IL5RA: variants seen among roughly 807,000 people sequenced by gnomAD.
IL5RA encodes interleukin-5 receptor subunit alpha.
A neutral mutation model predicts 50.0 loss-of-function variants in IL5RA; 49 were observed. The observed-to-expected ratio is 0.98, with a 90% confidence interval of 0.78 to 1.24. The LOEUF (loss-of-function observed/expected upper bound fraction) is 1.24, where lower values mean the gene tolerates loss of function less well. IL5RA is among the 50% of genes most tolerant of loss of function. The pLI is 0.00. For missense variants in IL5RA, 600 were observed against 500.4 expected (o/e 1.20, Z -1.90); for synonymous variants, 202 against 174.0 (o/e 1.16, Z -1.26).
At chr3:3,078,858 T>G (rs4324460) in intron 9 of IL5RA, among the ~76,000 whole-genome samples, 42,347 of 151,246 alleles carry the variant, frequency 0.28, 7,303 homozygotes, top group African/African-American at 0.49. Context: ...AAAAAATTAT[T>G]TAAGGGATTC....
intron 5 of IL5RA, among the ~76,000 whole-genome samples, chr3:3,101,235 G>A (rs6768419): frequency 6.6e-6 from 1 of 151,480 alleles, no homozygotes; most frequent in Non-Finnish European, 1.5e-5. Flanking sequence ...TTAAGTCACT[G>A]ACACAATTCA....
At chr3:3,084,553 G>A (rs1442589535) in intron 9 of IL5RA, among the ~76,000 whole-genome samples, 4 of 152,224 alleles carry the variant, frequency 2.6e-5, no homozygotes, top group African/African-American at 9.6e-5. Context: ...GGCTTGTCTG[G>A]ATGGAGGCTG....
In IL5RA at chr3:3,097,881, AG is replaced by A; in HGVS notation, c.697del (p.Leu233PhefsTer7). ...AIRPFDQLFA[L>X]HAIDQINPPL... is the part of the protein sequence containing the mutation. Reference sequence around the variant, plus strand: ...TAAGTCGGTCTTACCAATGGCGTGAAGGGCAAACAGCTGATCAAAGGGCCTG... The same window carrying A: ...TAAGTCGGTCTTACCAATGGCGTGAAGGCAAACAGCTGATCAAAGGGCCTG... On this transcript the variant is annotated frameshift_variant, in exon 7 of 12. Transcript: ENST00000446632. LOFTEE classifies it high-confidence loss of function. The A allele has an allele frequency of 6.2e-7, 1 of 1,613,180 alleles. No individual in the cohort carries two copies. Among genetic ancestry groups the A allele is most frequent in the Non-Finnish European group, 8.5e-7 (1 of 1,179,378 alleles).
intron 7 of IL5RA, among the ~76,000 whole-genome samples, chr3:3,096,816 A>T (rs529222995): frequency 1.3e-5 from 2 of 152,358 alleles, no homozygotes; most frequent in East Asian, 3.9e-4. Flanking sequence ...TAGATATGTC[A>T]CAGCCAAATC....
chr3:3,070,180 G>C lies in IL5RA; in HGVS notation c.*45C>G. The C allele has an allele frequency of 8.2e-7, 1 of 1,218,674 alleles. No homozygotes were observed. The highest frequency in any genetic ancestry group is 1.2e-6 in the Non-Finnish European group (1 of 827,974). The allele number at this position is 1,218,674 out of a possible 1,614,324, so 75.5% of individuals were successfully genotyped here. A position where few individuals can be genotyped will look rare whatever the true frequency, so the allele number is the denominator to read the frequency against. The stretch of plus-strand genomic sequence containing the variant: ...CAGCATCCCTGTTCTTTTCACTGAG[G>C]CACTGAGGCATGTGTGAGTTCATCA... On this transcript the variant is annotated 3_prime_UTR_variant, in exon 12 of 12. Coordinates refer to ENST00000446632, the MANE Select transcript of IL5RA (RefSeq NM_175726.4).
rs1310042067 is a variant in IL5RA at position 3,070,152 on chromosome 3, A to G, written c.*73T>C. The stretch of plus-strand genomic sequence containing the variant: ...AAATTCTGAACACCTCTTAGCCAAG[A>G]GCCAGCATCCCTGTTCTTTTCACTG... On this transcript the variant is annotated 3_prime_UTR_variant, in exon 12 of 12. Transcript: ENST00000446632. 1.0e-6 allele frequency: 1 copy of G among 959,570 alleles called. No homozygotes were observed. The highest frequency in any genetic ancestry group is 2.1e-5 in the Admixed American group (1 of 48,696). 59.4% of individuals were successfully genotyped at this position (959,570 alleles called of 1,614,324 possible).
chr3:3,105,944 C>T (rs533241176), intron 2 of IL5RA, among the ~76,000 whole-genome samples: 6 of 152,304 alleles, frequency 3.9e-5, no homozygotes, highest in Admixed American at 2.0e-4. Flanking sequence ...TGGCTTCCCC[C>T]TGTGTTGTCC....
At position 3,088,878 on chromosome 3, in the gene IL5RA, T is replaced by C. The variant is rs145793149; in HGVS notation, c.994+3346A>G. 5.0e-3 allele frequency among the ~76,000 whole-genome samples: 767 copies of C among 152,298 alleles called. 7 individuals are homozygous for C. The highest frequency in any genetic ancestry group is 5.0e-3 in the Non-Finnish European group (338 of 68,032). ...TAAAGCATTTTTAAAAAGAAGTCTATTGAATTCAAGTAACAAAAATTAAAC... is the reference window on the plus strand; with the variant it reads ...TAAAGCATTTTTAAAAAGAAGTCTACTGAATTCAAGTAACAAAAATTAAAC... On this transcript the variant is annotated intron_variant, in intron 9 of 11. Transcript: ENST00000446632.
chr3:3,101,646 G>A (rs1703657589), intron 5 of IL5RA, 46 bp downstream of exon 5: 2 of 1,577,110 alleles, frequency 1.3e-6, no homozygotes, highest in Admixed American at 1.9e-5. Context: ...TTCCATATTT[G>A]CAAAGTCCAA....
chr3:3,070,452 G>A, intron 11 of IL5RA, 141 bp from the exon 12 acceptor site: 1 of 602,716 alleles, frequency 1.7e-6, no homozygotes, highest in Non-Finnish European at 2.9e-6. Flanking sequence ...AATAAAGTGG[G>A]AAGAAGAAGA....
Position 3,104,933 on chromosome 3 carries a change from G to C in IL5RA, c.52C>G (p.Leu18Val). The C allele has an allele frequency of 6.2e-7, 1 of 1,612,666 alleles. No individual in the cohort carries two copies. Among genetic ancestry groups the C allele is most frequent in the South Asian group, 1.1e-5 (1 of 91,010 alleles). ...LLILLGATEI[L>V]QADLLPDEKI... ...TCATCAGGAAGTAAGTCAGCTTGCAGTATCTCAGTGGCCCCCAAAAGGATG... is the reference window on the plus strand; with the variant it reads ...TCATCAGGAAGTAAGTCAGCTTGCACTATCTCAGTGGCCCCCAAAAGGATG... The change falls in exon 3 of 12, where the codon CTG becomes GTG. Residue 18 changes from leucine (L) to valine (V), a missense_variant. Coordinates refer to ENST00000446632, the MANE Select transcript of IL5RA (RefSeq NM_175726.4).
intron 2 of IL5RA, among the ~76,000 whole-genome samples, chr3:3,107,815 T>C (rs1414213642): frequency 6.6e-6 from 1 of 152,192 alleles, no homozygotes; most frequent in African/African-American, 2.4e-5. Flanking sequence ...TCCTTCCCTA[T>C]AGGTGTTTCT....
In IL5RA at chr3:3,067,611, C is replaced by G. The variant is rs1443099338; in HGVS notation, c.*2614G>C. 2 of 152,250 alleles carry G rather than the reference C, an allele frequency of 1.3e-5. No homozygotes were observed. The highest frequency in any genetic ancestry group is 2.9e-5 in the Non-Finnish European group (2 of 68,136). The allele number at this position is 152,250 out of a possible 1,614,324, so 9.4% of individuals were successfully genotyped here. A position where few individuals can be genotyped will look rare whatever the true frequency, so the allele number is the denominator to read the frequency against. ...CAACCAACTCTGCTTTTGAAGGCTT[C>G]ATGGAGGAAGTGATGATGGTTACGG... On this transcript the variant is annotated 3_prime_UTR_variant, in exon 12 of 12. Transcript: ENST00000446632.
chr3:3,071,624 A>G (rs947359243), intron 11 of IL5RA, among the ~76,000 whole-genome samples: 8 of 141,418 alleles, frequency 5.7e-5, no homozygotes, highest in African/African-American at 2.2e-4. Flanking sequence ...AGTTCTGGCT[A>G]CATCACCCAA....
intron 2 of IL5RA, among the ~76,000 whole-genome samples, chr3:3,107,220 G>A (rs1703965636): frequency 6.7e-6 from 1 of 150,028 alleles, no homozygotes; most frequent in African/African-American, 2.5e-5. Flanking sequence ...AAGGTACTCA[G>A]TAGGGGTCTA....
At chr3:3,079,827 C>A (rs552171006) in intron 9 of IL5RA, among the ~76,000 whole-genome samples, 1 of 152,066 alleles carries the variant, frequency 6.6e-6, no homozygotes. Flanking sequence ...TGAGGTCAGG[C>A]GTTTGAGACC....
At chr3:3,085,165 A>G (rs1702806311) in intron 9 of IL5RA, among the ~76,000 whole-genome samples, 1 of 152,198 alleles carries the variant, frequency 6.6e-6, no homozygotes, top group African/African-American at 2.4e-5. Context: ...AGTGTGACCA[A>G]GCCATCTGTC....
At position 3,070,293 on chromosome 3, in the gene IL5RA, T is replaced by C. The variant is rs756434686; in HGVS notation, c.1195A>G (p.Thr399Ala). 3 of 1,612,538 alleles carry C rather than the reference T, an allele frequency of 1.9e-6. No individual in the cohort carries two copies. Among genetic ancestry groups the C allele is most frequent in the Non-Finnish European group, 2.5e-6 (3 of 1,178,794 alleles). ...TNYEKAGSSE[T>A]EIEVICYIEK... ...ATATAACAGATGACTTCAATTTCCG[T>C]CTCACTGGACCCAGCTTTCTGCAAA... Residue 399 changes from threonine (T) to alanine (A), a missense_variant, in exon 12 of 12, where the codon ACG (threonine) becomes GCG (alanine). Transcript: ENST00000446632.
intron 11 of IL5RA, 40 bp downstream of exon 11, chr3:3,074,742 C>T: frequency 8.0e-7 from 1 of 1,243,044 alleles, no homozygotes; most frequent in Non-Finnish European, 1.2e-6. Context: ...GGACTCAACC[C>T]TGGACACATA....
Sources: allele counts gnomAD v4.1 joint callset (sites outside exome capture counted in the v4.1 genomes callset), GRCh38; gene constraint gnomAD v4.1.1; transcripts MANE v1.5; gene names NCBI Gene and HGNC (gene_info 2026-07-23, HGNC 2026-07-21).